The following CACNB4 variants were observed in gnomAD, a reference collection of about 807,000 sequenced individuals.
The protein encoded by CACNB4 is calcium voltage-gated channel auxiliary subunit beta 4.
A neutral mutation model predicts 71.2 loss-of-function variants in CACNB4; 32 were observed. The ratio of observed to expected loss-of-function variants is 0.45; its 90% CI spans 0.34 to 0.60. CACNB4 has a LOEUF of 0.60. Ranked by LOEUF, CACNB4 falls within the 20% of genes least tolerant of loss-of-function variation. The pLI is 0.01. For synonymous variants in CACNB4, 231 were observed against 236.9 expected (o/e 0.97, Z 0.23); for missense variants, 464 against 647.9 (o/e 0.72, Z 3.08).
intron 2 of CACNB4, among the ~76,000 whole-genome samples, chr2:151,907,808 G>A (rs1464188050): frequency 2.0e-5 from 3 of 152,174 alleles, no homozygotes; most frequent in Admixed American, 2.0e-4. Context: ...GCACAGCAAG[G>A]AAAGTCCTCT....
chr2:151,898,426 G>A (rs1343935648), intron 2 of CACNB4, among the ~76,000 whole-genome samples: 1 of 152,060 alleles, frequency 6.6e-6, no homozygotes, highest in Non-Finnish European at 1.5e-5. Context: ...TTCAAGGCCG[G>A]CACTCTCAAC....
chr2:152,057,743 G>T (rs145689496), intron 2 of CACNB4, among the ~76,000 whole-genome samples: 8 of 152,256 alleles, frequency 5.3e-5, no homozygotes, highest in Non-Finnish European at 8.8e-5. Context: ...GAATTGAACT[G>T]ACCCCTGAAA....
intron 2 of CACNB4, among the ~76,000 whole-genome samples, chr2:152,085,191 G>A (rs552531924): frequency 2.0e-5 from 3 of 152,178 alleles, no homozygotes; most frequent in Admixed American, 2.0e-4. Context: ...CCAAGTCTAG[G>A]TACCTGCGGC....
chr2:152,049,676 T>G (rs1685319247), intron 2 of CACNB4, among the ~76,000 whole-genome samples: 1 of 152,196 alleles, frequency 6.6e-6, no homozygotes, highest in South Asian at 2.1e-4. Flanking sequence ...CAGCCCTAGA[T>G]TCTGTCTCCC....
At position 151,888,176 on chromosome 2, in the gene CACNB4, A is replaced by G. The variant is rs183560851; in HGVS notation, c.148-4806T>C. Among the ~76,000 whole-genome samples, 4 of 152,326 alleles carry G rather than the reference A, an allele frequency of 2.6e-5. No homozygotes were observed. The East Asian group carries it at 7.7e-4, about 29-fold the overall frequency. On this transcript the variant is annotated intron_variant, in intron 2 of 13. Transcript: ENST00000539935. The stretch of plus-strand genomic sequence containing the variant: ...CTTACCTTGTCCTTTTAAAACTGAA[A>G]TAGACTTTCTCACTGTATAAGTAAT...
At chr2:152,068,565 G>A (rs1363640348) in intron 2 of CACNB4, among the ~76,000 whole-genome samples, 1 of 152,058 alleles carries the variant, frequency 6.6e-6, no homozygotes, top group Non-Finnish European at 1.5e-5. Flanking sequence ...TTGATATGGG[G>A]GTACTCTTCC....
At chr2:151,924,812 T>C (rs1578821170) in intron 2 of CACNB4, among the ~76,000 whole-genome samples, 3 of 152,230 alleles carry the variant, frequency 2.0e-5, no homozygotes, top group Non-Finnish European at 4.4e-5. Flanking sequence ...TTTTCATCCT[T>C]AGAATTCCAA....
intron 2 of CACNB4, among the ~76,000 whole-genome samples, chr2:151,894,832 T>A (rs2099851604): frequency 1.3e-5 from 2 of 151,914 alleles, no homozygotes; most frequent in African/African-American, 2.4e-5. Context: ...ATAATAATAA[T>A]AAAATATCTA....
At chr2:151,842,882 A>T (rs180675497) in intron 12 of CACNB4, among the ~76,000 whole-genome samples, 154 of 152,336 alleles carry the variant, frequency 1.0e-3, no homozygotes, top group African/African-American at 3.5e-3. Context: ...GAAGGGAATA[A>T]CATTTACTTA....
At chr2:151,967,718 G>A (rs371848989) in intron 2 of CACNB4, 2 of 151,362 alleles carry the variant, frequency 1.3e-5, no homozygotes, top group African/African-American at 4.9e-5. Flanking sequence ...CTGAGTAATT[G>A]ACAGTTGCCA....
chr2:152,031,244 C>A (rs1684266133), intron 2 of CACNB4, among the ~76,000 whole-genome samples: 1 of 152,174 alleles, frequency 6.6e-6, no homozygotes, highest in Non-Finnish European at 1.5e-5. Context: ...GGTCACCCCA[C>A]AAAGGACACT....
chr2:152,073,644 C>T (rs900596267), intron 2 of CACNB4, among the ~76,000 whole-genome samples: 1 of 152,088 alleles, frequency 6.6e-6, no homozygotes, highest in African/African-American at 2.4e-5. Context: ...AAACAATCTA[C>T]AAAAATAATT....
chr2:151,894,128 T>G (rs1034845154), intron 2 of CACNB4, among the ~76,000 whole-genome samples: 2 of 152,178 alleles, frequency 1.3e-5, no homozygotes, highest in Non-Finnish European at 2.9e-5. Flanking sequence ...GCCACTGCAC[T>G]CCAGCTTGGG....
intron 2 of CACNB4, among the ~76,000 whole-genome samples, chr2:152,034,390 G>T (rs1684447413): frequency 6.6e-6 from 1 of 152,132 alleles, no homozygotes; most frequent in Non-Finnish European, 1.5e-5. Flanking sequence ...CTCACACAGG[G>T]CTCTGGTGAA....
At chr2:152,065,899 A>T (rs1316802387) in intron 2 of CACNB4, among the ~76,000 whole-genome samples, 2 of 152,166 alleles carry the variant, frequency 1.3e-5, no homozygotes, top group Non-Finnish European at 2.9e-5. Flanking sequence ...TTGCTACCAC[A>T]TCTGGCCTAA....
intron 12 of CACNB4, among the ~76,000 whole-genome samples, chr2:151,847,166 G>A (rs923821728): frequency 6.7e-6 from 1 of 150,172 alleles, no homozygotes; most frequent in Non-Finnish European, 1.5e-5. Flanking sequence ...GATTAGTTGA[G>A]CCCAGAGGTT....
intron 2 of CACNB4, among the ~76,000 whole-genome samples, chr2:152,014,223 T>G (rs6736647): frequency 1.1e-3 from 168 of 151,666 alleles, no homozygotes; most frequent in African/African-American, 3.9e-3. Flanking sequence ...GACGGACACC[T>G]GTAATCCCAG....
chr2:151,891,606 G>C (rs907239563), intron 2 of CACNB4, among the ~76,000 whole-genome samples: 4 of 152,224 alleles, frequency 2.6e-5, no homozygotes, highest in African/African-American at 9.6e-5. Context: ...TATTTTACAT[G>C]TATGTAAGAA....
intron 2 of CACNB4, among the ~76,000 whole-genome samples, chr2:151,953,820 C>T (rs2099867526): frequency 6.6e-6 from 1 of 152,164 alleles, no homozygotes; most frequent in Non-Finnish European, 1.5e-5. Context: ...TACTTGTGAA[C>T]TTTTCATTTA....
Sources: allele counts gnomAD v4.1 joint callset (sites outside exome capture counted in the v4.1 genomes callset), GRCh38; gene constraint gnomAD v4.1.1; transcripts MANE v1.5; gene names NCBI Gene and HGNC (gene_info 2026-07-23, HGNC 2026-07-21).